DARS1: variants seen among roughly 807,000 people sequenced by gnomAD.
The protein encoded by DARS1 is aspartate--tRNA ligase, cytoplasmic.
Under a neutral mutation model 68.8 loss-of-function variants are expected in DARS1, and 51 were observed. The observed-to-expected ratio is 0.74, with a 90% CI of 0.59 to 0.94. DARS1 has a LOEUF of 0.94. DARS1 is among the 40% of genes least tolerant of loss of function. The probability of loss-of-function intolerance (pLI) is 0.00; values close to 1 mark genes in which losing one functional copy is unlikely to be tolerated. For synonymous variants in DARS1, 203 were observed against 190.4 expected, an observed-to-expected ratio of 1.07 and a Z score of -0.55; for missense variants, 607 against 597.3, an observed-to-expected ratio of 1.02 and a Z score of -0.17.
chr2:135,978,092 G>A (rs1241008667), intron 3 of DARS1, among the ~76,000 whole-genome samples: 1 of 129,368 alleles, frequency 7.7e-6, no homozygotes, highest in Non-Finnish European at 1.5e-5. Context: ...GCAGTGAGCC[G>A]AGATCGCAAC....
intron 4 of DARS1, among the ~76,000 whole-genome samples, chr2:135,945,312 G>A (rs1454635645): frequency 6.6e-6 from 1 of 151,984 alleles, no homozygotes; most frequent in East Asian, 1.9e-4. Context: ...ATGTTTAGCA[G>A]AGACAGGGTT....
chr2:135,908,322 C>CG (rs1323767295), intron 15 of DARS1, among the ~76,000 whole-genome samples: 2 of 152,140 alleles, frequency 1.3e-5, no homozygotes, highest in East Asian at 3.8e-4. Context: ...CCATCTGAAC[C>CG]ATTTTTAAGT....
At chr2:135,909,384 G>C (rs1680851783) in intron 15 of DARS1, among the ~76,000 whole-genome samples, 1 of 152,144 alleles carries the variant, frequency 6.6e-6, no homozygotes, top group Non-Finnish European at 1.5e-5. Context: ...GACAAAAATT[G>C]TATGTATTTA....
chr2:135,922,678 T>C, intron 9 of DARS1, 106 bp downstream of exon 9: 2 of 1,319,318 alleles, frequency 1.5e-6, no homozygotes, highest in South Asian at 2.4e-5. Context: ...GATAAAATAA[T>C]TTAAGCTTTC....
Position 135,916,262 on chromosome 2 carries a change from T to G in DARS1, c.1070A>C (p.Glu357Ala), listed in dbSNP as rs751338139. ...EYCEALAMLR[E>A]AGVEMGDEDD... is the part of the protein sequence containing the mutation. ...TTCATCTCCCATTTCGACTCCAGCTTCCCTAAGCATAGCCAATGCTTCACA... is the reference window on the plus strand; with the variant it reads ...TTCATCTCCCATTTCGACTCCAGCTGCCCTAAGCATAGCCAATGCTTCACA... The change falls in exon 11 of 16, where the codon GAA becomes GCA. Residue 357 changes from glutamate to alanine, a missense_variant. Coordinates refer to ENST00000264161, the MANE Select transcript of DARS1 (RefSeq NM_001349.4). The G allele has an allele frequency of 6.3e-7, 1 of 1,595,768 alleles. No homozygotes were observed. Among genetic ancestry groups the G allele is most frequent in the South Asian group, 1.1e-5 (1 of 90,736 alleles).
intron 3 of DARS1, among the ~76,000 whole-genome samples, chr2:135,975,174 C>T (rs1260370777): frequency 6.6e-6 from 1 of 151,672 alleles, no homozygotes; most frequent in Non-Finnish European, 1.5e-5. Context: ...GAAACCCCGT[C>T]TCTACTAAAA....
At chr2:135,968,904 C>T (rs930483282) in intron 3 of DARS1, among the ~76,000 whole-genome samples, 1 of 152,086 alleles carries the variant, frequency 6.6e-6, no homozygotes, top group African/African-American at 2.4e-5. Flanking sequence ...TCAAGTGATC[C>T]ACCCTGCCTA....
intron 3 of DARS1, among the ~76,000 whole-genome samples, chr2:135,977,006 GTTC>G (rs1187209985): frequency 1.3e-5 from 2 of 152,020 alleles, no homozygotes; most frequent in Non-Finnish European, 2.9e-5. Context: ...ATTCGGTAGG[GTTC>G]TTATTATGTG....
intron 3 of DARS1, among the ~76,000 whole-genome samples, chr2:135,962,514 C>A (rs1419671630): frequency 6.6e-6 from 1 of 152,066 alleles, no homozygotes; most frequent in Non-Finnish European, 1.5e-5. Flanking sequence ...AGCAAAAATG[C>A]AAGCAGACTT....
At chr2:135,973,370 A>C (rs1362355053) in intron 3 of DARS1, among the ~76,000 whole-genome samples, 1 of 152,186 alleles carries the variant, frequency 6.6e-6, no homozygotes, top group Non-Finnish European at 1.5e-5. Flanking sequence ...CTTAAAATCA[A>C]AACAATTGAA....
intron 5 of DARS1, among the ~76,000 whole-genome samples, chr2:135,936,452 G>C (rs540803860): frequency 6.6e-6 from 1 of 152,006 alleles, no homozygotes; most frequent in South Asian, 2.1e-4. Flanking sequence ...CTAGAGCGCA[G>C]TGGTGTGATC....
At chr2:135,912,148 T>C (rs1680908919) in intron 13 of DARS1, among the ~76,000 whole-genome samples, 2 of 152,216 alleles carry the variant, frequency 1.3e-5, no homozygotes, top group Non-Finnish European at 2.9e-5. Flanking sequence ...CAGGATACAA[T>C]GTGAATTCCC....
chr2:135,906,710 G>A lies in DARS1; in HGVS notation c.*606C>T, dbSNP rs922405914. The A allele has an allele frequency of 1.3e-5, 2 of 152,098 alleles. No homozygotes were observed. The highest frequency in any genetic ancestry group is 4.8e-5 in the African/African-American group (2 of 41,406). 9.4% of individuals were successfully genotyped at this position (152,098 alleles called of 1,614,324 possible). A position where few individuals can be genotyped will look rare whatever the true frequency, so the allele number is the denominator to read the frequency against. Reference sequence around the variant, plus strand: ...GCTTTAAAATTTTATTGAAATTCAAGTTTAGAATTTAACAAATTAATACAA... The same window carrying A: ...GCTTTAAAATTTTATTGAAATTCAAATTTAGAATTTAACAAATTAATACAA... On this transcript the variant is annotated 3_prime_UTR_variant, in exon 16 of 16. Coordinates refer to ENST00000264161, the MANE Select transcript of DARS1 (RefSeq NM_001349.4).
chr2:135,943,284 T>C (rs1681647391), intron 5 of DARS1, 94 bp downstream of exon 5: 2 of 1,486,032 alleles, frequency 1.3e-6, no homozygotes, highest in South Asian at 1.4e-5. Flanking sequence ...CTCAGTATTT[T>C]ACATTAATTA....
At chr2:135,963,889 C>T (rs901277003) in intron 3 of DARS1, among the ~76,000 whole-genome samples, 1 of 151,992 alleles carries the variant, frequency 6.6e-6, no homozygotes, top group Non-Finnish European at 1.5e-5. Context: ...CCATATTGGT[C>T]AGGCTGGTCT....
chr2:135,920,289 G>A (rs933752762), intron 10 of DARS1, among the ~76,000 whole-genome samples, 164 bp downstream of exon 10: 1 of 152,174 alleles, frequency 6.6e-6, no homozygotes, highest in Non-Finnish European at 1.5e-5. Context: ...GCAGTATTCT[G>A]AGTGTAGATT....
rs147779821 is a variant in DARS1, at chr2:135,932,922, T to C, written c.505-80A>G. The C allele has an allele frequency of 3.3e-5, 24 of 724,280 alleles. No individual in the cohort carries two copies. In the East Asian group the frequency reaches 4.6e-4, roughly 14 times the overall value. 44.9% of individuals were successfully genotyped at this position (724,280 alleles called of 1,614,324 possible). A position where few individuals can be genotyped will look rare whatever the true frequency, so the allele number is the denominator to read the frequency against. On this transcript the variant is annotated intron_variant, in intron 6 of 15. Coordinates refer to ENST00000264161, the MANE Select transcript of DARS1 (RefSeq NM_001349.4). ...GCACAAAAAATACTTTTAGAAGCCA[T>C]GTTTACTTTTAATTGAGTAGGATGT...
At chr2:135,941,824 C>G (rs1440768289) in intron 5 of DARS1, among the ~76,000 whole-genome samples, 2 of 151,880 alleles carry the variant, frequency 1.3e-5, no homozygotes, top group African/African-American at 4.8e-5. Flanking sequence ...AAAAAAACAA[C>G]CCCATCAAAA....
chr2:135,981,945 T>C (rs1330779500), intron 2 of DARS1, among the ~76,000 whole-genome samples: 1 of 152,190 alleles, frequency 6.6e-6, no homozygotes, highest in South Asian at 2.1e-4. Flanking sequence ...TCTTTTATTG[T>C]ATTCTTTCCC....
Sources: allele counts gnomAD v4.1 joint callset (sites outside exome capture counted in the v4.1 genomes callset), GRCh38; gene constraint gnomAD v4.1.1; transcripts MANE v1.5; gene names NCBI Gene and HGNC (gene_info 2026-07-23, HGNC 2026-07-21).